The following ESPL1 variants were observed in gnomAD, a reference collection of about 807,000 sequenced individuals.
ESPL1 encodes separin.
A neutral mutation model predicts 217.2 loss-of-function variants in ESPL1; 50 were observed. The observed-to-expected ratio is 0.23, with a 90% CI of 0.18 to 0.29. The LOEUF is 0.29. Among genes scored for constraint, ESPL1 ranks in the 10% least tolerant of loss-of-function variants. ESPL1 has a pLI of 1.00. For synonymous variants in ESPL1, 994 were observed against 1,081.3 expected (o/e 0.92, Z 1.58); for missense variants, 1,834 against 2,603.0 (o/e 0.70, Z 6.43).
chr12:53,270,155 C>A, intron 3 of ESPL1, 70 bp downstream of exon 3: 1 of 1,385,516 alleles, frequency 7.2e-7, no homozygotes, highest in Non-Finnish European at 9.9e-7. Flanking sequence ...GGGTATTTGG[C>A]AAGATCTGGA....
At chr12:53,281,345 G>C (rs565904308) in intron 12 of ESPL1, among the ~76,000 whole-genome samples, 162 bp from the exon 13 acceptor site, 11 of 151,892 alleles carry the variant, frequency 7.2e-5, no homozygotes, top group Admixed American at 7.2e-4. Context: ...CACCATGTTG[G>C]CCAGGCTGGT....
chr12:53,281,370 C>T, intron 12 of ESPL1, 137 bp from the exon 13 acceptor site: 2 of 730,700 alleles, frequency 2.7e-6, no homozygotes, highest in Non-Finnish European at 4.4e-6. Flanking sequence ...AACTCCTGAC[C>T]TCAGGTGATC....
chr12:53,284,626 T>C (rs892297019), intron 17 of ESPL1, among the ~76,000 whole-genome samples: 1 of 152,062 alleles, frequency 6.6e-6, no homozygotes, highest in African/African-American at 2.4e-5. Flanking sequence ...AGTCCAACCA[T>C]TGGTCTCCCT....
At position 53,292,811 on chromosome 12, in the gene ESPL1, C is replaced by G; in HGVS notation, c.6002C>G (p.Ala2001Gly). 1 of 1,608,826 alleles carries G rather than the reference C, an allele frequency of 6.2e-7. No individual in the cohort carries two copies. The highest frequency in any genetic ancestry group is 8.5e-7 in the Non-Finnish European group (1 of 1,179,906). ...CTCACCTCCTTCTGCCTTAGCTATG[C>G]AGGGCATGGGGCTGGTGCCCGCTTC... ...ALTKHDLYIYAGHGAGARFLD... is the reference protein window; with the variant it reads ...ALTKHDLYIYGGHGAGARFLD... The change falls in exon 30 of 31, where the codon GCA becomes GGA. Residue 2001 changes from alanine (A) to glycine (G), a missense_variant. Ala to Gly is a moderately conservative substitution (Grantham distance 60, BLOSUM62 0). Transcript: ENST00000257934. The surrounding 1 kb of genome is among the most constrained non-coding windows in gnomAD (Gnocchi z 4.5).
chr12:53,269,251 C>T lies in ESPL1; in HGVS notation c.309C>T (p.Val103=). 6.2e-7 allele frequency: 1 copy of T among 1,614,216 alleles called. No individual in the cohort carries two copies. Among genetic ancestry groups the T allele is most frequent in the South Asian group, 1.1e-5 (1 of 91,086 alleles). The change falls in exon 3 of 31, where the codon GTC becomes GTT. Residue 103 remains valine (V), a synonymous_variant. Coordinates refer to ENST00000257934, the MANE Select transcript of ESPL1 (RefSeq NM_012291.5). This position sits in a 1 kb window ranked among gnomAD's most constrained non-coding sequence, Gnocchi z 6.7. ...PPLYLERILF[V]LLRNAAAQGS... is the part of the protein sequence containing the mutation. ...TCTACCTGGAACGAATTCTCTTTGTCTTACTGCGGAATGCTGCTGCACAAG... is the reference window on the plus strand; with the variant it reads ...TCTACCTGGAACGAATTCTCTTTGTTTTACTGCGGAATGCTGCTGCACAAG...
At position 53,289,614 on chromosome 12, in the gene ESPL1, G is replaced by C. The variant is rs762460114; in HGVS notation, c.5113+20G>C. The C allele has an allele frequency of 7.5e-6, 12 of 1,605,054 alleles. No individual in the cohort carries two copies. In the Admixed American group the frequency reaches 1.5e-4, roughly 20 times the overall value. ...CCAGTGGTATGCGGGCAGCCTTCTGGCCGGCTCCTCTGTCCTCTTCTGCAT... is the reference window on the plus strand; with the variant it reads ...CCAGTGGTATGCGGGCAGCCTTCTGCCCGGCTCCTCTGTCCTCTTCTGCAT... On this transcript the variant is annotated intron_variant, in intron 22 of 30. Coordinates refer to ENST00000257934, the MANE Select transcript of ESPL1 (RefSeq NM_012291.5).
rs768297582 is a variant in ESPL1 at position 53,284,102 on chromosome 12, G to T, written c.3122G>T (p.Arg1041Leu). The part of the protein sequence containing the change: ...LVLKGELELA[R>L]NDIDLCQSDL... ...CTGAAGGGCGAGCTGGAGCTGGCCC[G>T]CAATGACATTGATCTCTGTCAGTCG... The change falls in exon 17 of 31, where the codon CGC becomes CTC. Residue 1041 changes from arginine to leucine, a missense_variant. By Grantham distance (102) the Arg-to-Leu change is moderately radical. Around this residue, in one of 5 missense-constraint regions of ESPL1, gnomAD observed 107 missense variants for 171.7 expected, o/e 0.62. Transcript: ENST00000257934. The T allele has an allele frequency of 2.5e-5, 40 of 1,613,900 alleles. No homozygotes were observed. In the Admixed American group the frequency reaches 5.8e-4, roughly 24 times the overall value.
Position 53,268,516 on chromosome 12 carries a change from T to G in ESPL1, c.-13+139T>G. On this transcript the variant is annotated intron_variant, in intron 1 of 30. Transcript: ENST00000257934. The stretch of plus-strand genomic sequence containing the variant: ...GGACTGCCCCGGGCCGCTGAAGGGC[T>G]GGGCCGAGGCCTCTGGGGTAGCGCG... The G allele has an allele frequency of 1.0e-5, 5 of 501,164 alleles. No homozygotes were observed. In the South Asian group the frequency reaches 1.1e-4, roughly 11 times the overall value. The allele number at this position is 501,164 out of a possible 1,614,324, so 31.0% of individuals were successfully genotyped here. A position where few individuals can be genotyped will look rare whatever the true frequency, so the allele number is the denominator to read the frequency against.
rs1943622402 is a variant in ESPL1, at chr12:53,269,275, A to G, written c.333A>G (p.Gln111=). Reference sequence around the variant, plus strand: ...TCTTACTGCGGAATGCTGCTGCACAAGGAAGCCCAGAGGCCACACTCCGCC... The same window carrying G: ...TCTTACTGCGGAATGCTGCTGCACAGGGAAGCCCAGAGGCCACACTCCGCC... The part of the protein sequence containing the change: ...LFVLLRNAAA[Q]GSPEATLRLA... The change falls in exon 3 of 31, where the codon CAA becomes CAG. Residue 111 remains glutamine, a synonymous_variant. Coordinates refer to ENST00000257934, the MANE Select transcript of ESPL1 (RefSeq NM_012291.5). The surrounding 1 kb of genome is among the most constrained non-coding windows in gnomAD (Gnocchi z 6.7). The G allele has an allele frequency of 6.2e-7, 1 of 1,614,206 alleles. No homozygotes were observed. The highest frequency in any genetic ancestry group is 8.5e-7 in the Non-Finnish European group (1 of 1,180,048).
Position 53,270,818 on chromosome 12 carries a change from G to A in ESPL1, c.1369+20G>A. The stretch of plus-strand genomic sequence containing the variant: ...TGACCGGTTAGTGCCCTGGGTCCCA[G>A]GCACAGAGTTTGTGGGAGGGTCATC... On this transcript the variant is annotated intron_variant, in intron 5 of 30. Coordinates refer to ENST00000257934, the MANE Select transcript of ESPL1 (RefSeq NM_012291.5). 6.2e-7 allele frequency: 1 copy of A among 1,613,644 alleles called. No individual in the cohort carries two copies. The highest frequency in any genetic ancestry group is 8.5e-7 in the Non-Finnish European group (1 of 1,179,776).
At chr12:53,283,303 A>C (rs1943894584) in intron 15 of ESPL1, 46 bp downstream of exon 15, 1 of 1,612,792 alleles carries the variant, frequency 6.2e-7, no homozygotes, top group Non-Finnish European at 8.5e-7. Flanking sequence ...TGGACAGGCT[A>C]TGTGAGAGGG....
rs761230470 is a variant in ESPL1 at position 53,288,270 on chromosome 12, A to T, written c.4475A>T (p.Glu1492Val). ...PEIMRTIPEE[E>V]LTDNWRKMSF... Reference sequence around the variant, plus strand: ...ATCATGAGGACCATCCCTGAGGAAGAACTGACTGACAACTGGAGAAAAATG... The same window carrying T: ...ATCATGAGGACCATCCCTGAGGAAGTACTGACTGACAACTGGAGAAAAATG... The change falls in exon 19 of 31, where the codon GAA (glutamate) becomes GTA (valine). Residue 1492 changes from glutamate (E) to valine (V), a missense_variant. Transcript: ENST00000257934. The T allele has an allele frequency of 1.2e-6, 2 of 1,607,144 alleles. No individual in the cohort carries two copies. The highest frequency in any genetic ancestry group is 1.7e-6 in the Non-Finnish European group (2 of 1,177,506).
At chr12:53,290,247 G>A in intron 23 of ESPL1, 35 bp downstream of exon 23, 1 of 1,612,704 alleles carries the variant, frequency 6.2e-7, no homozygotes, top group Non-Finnish European at 8.5e-7. Flanking sequence ...AAGTTGGGCT[G>A]GATTGGGCTT....
rs766697916 is a variant in ESPL1 at position 53,291,823 on chromosome 12, T to C, written c.5654T>C (p.Val1885Ala). 6.3e-7 allele frequency: 1 copy of C among 1,596,526 alleles called. No homozygotes were observed. The highest frequency in any genetic ancestry group is 1.7e-5 in the Admixed American group (1 of 57,440). The change falls in exon 26 of 31, where the codon GTA becomes GCA. Residue 1885 changes from valine to alanine, a missense_variant. Physicochemically the swap from Val to Ala is moderately conservative, Grantham distance 64. Coordinates refer to ENST00000257934, the MANE Select transcript of ESPL1 (RefSeq NM_012291.5). Reference sequence around the variant, plus strand: ...GTAGGACGTCTACAGGGCCTGACAGTACCAAGCAATAGCCACCTTGTCTTG... The same window carrying C: ...GTAGGACGTCTACAGGGCCTGACAGCACCAAGCAATAGCCACCTTGTCTTG... ...EAVGRLQGLT[V>A]PSNSHLVLVL... is the part of the protein sequence containing the mutation.
chr12:53,282,495 C>T lies in ESPL1; in HGVS notation c.2791+60C>T. On this transcript the variant is annotated intron_variant, in intron 14 of 30. Coordinates refer to ENST00000257934, the MANE Select transcript of ESPL1 (RefSeq NM_012291.5). This position sits in a 1 kb window ranked among gnomAD's most constrained non-coding sequence, Gnocchi z 4.0. The stretch of plus-strand genomic sequence containing the variant: ...ACATGTATGGTCTGTCTGCTGTCAG[C>T]TCTTCTCAAACCTCATCCCCTCTGC... 5.3e-6 allele frequency: 8 copies of T among 1,510,572 alleles called. 1 individual carries two copies. The South Asian group carries it at 9.3e-5, about 18-fold the overall frequency. The allele number at this position is 1,510,572 out of a possible 1,614,324, so 93.6% of individuals were successfully genotyped here.
intron 12 of ESPL1, 142 bp from the exon 13 acceptor site, chr12:53,281,365 C>T: frequency 1.4e-6 from 1 of 694,762 alleles, no homozygotes; most frequent in Non-Finnish European, 2.4e-6. Flanking sequence ...TCTTGAACTC[C>T]TGACCTCAGG....
rs768136731 is a variant in ESPL1, at chr12:53,289,317, A to G, written c.4922+14A>G. 21 of 1,610,924 alleles carry G rather than the reference A, an allele frequency of 1.3e-5. No individual in the cohort carries two copies. The highest frequency in any genetic ancestry group is 1.7e-5 in the Admixed American group (1 of 59,998). ...CAGACAGCTCAGGTGGGTGCTGACCATCCCCAAGACTCCTGCTGGGGCAGA... is the reference window on the plus strand; with the variant it reads ...CAGACAGCTCAGGTGGGTGCTGACCGTCCCCAAGACTCCTGCTGGGGCAGA... On this transcript the variant is annotated intron_variant, in intron 21 of 30. Coordinates refer to ENST00000257934, the MANE Select transcript of ESPL1 (RefSeq NM_012291.5).
chr12:53,270,569 ACTGCCCTCAAACAGCTTTG>A, intron 4 of ESPL1, 87 bp downstream of exon 4: 2 of 320,208 alleles, frequency 6.2e-6, no homozygotes, highest in Non-Finnish European at 7.9e-6. Flanking sequence ...GGGTTGCTCC[ACTGCCCTCAAACAGCTTTG>A]GGGTTGCTTG....
chr12:53,277,741 C>T lies in ESPL1; in HGVS notation c.2225-80C>T. ...AGCAGTGGGAGGTTGGCGTAAAGGG[C>T]AGAGGATGTTATGGAGGAAGGGAAG... On this transcript the variant is annotated intron_variant, in intron 10 of 30. Coordinates refer to ENST00000257934, the MANE Select transcript of ESPL1 (RefSeq NM_012291.5). 4 of 1,582,058 alleles carry T rather than the reference C, an allele frequency of 2.5e-6. No homozygotes were observed. In the South Asian group the frequency reaches 4.6e-5, roughly 18 times the overall value.
Sources: gnomAD v4.1 joint callset for allele counts (sites outside exome capture counted in the v4.1 genomes callset) on GRCh38, gnomAD v4.1.1 for gene constraint, gnomAD v4.1.1 regional missense constraint, Gnocchi (gnomAD v3.1) non-coding constraint, MANE v1.5 for transcripts, NCBI Gene and HGNC (gene_info 2026-07-23, HGNC 2026-07-21) for gene names.